The following ESR1 variants were observed in gnomAD, a reference collection of about 807,000 sequenced individuals.
The protein encoded by ESR1 is estrogen receptor.
Under a neutral mutation model 52.7 loss-of-function variants are expected in ESR1, and 12 were observed. The observed-to-expected ratio is 0.23, with a 90% CI of 0.15 to 0.37. ESR1 has a LOEUF of 0.37. ESR1 is among the 10% of genes least tolerant of loss of function. ESR1 has a pLI of 1.00. For synonymous variants in ESR1, 305 were observed against 316.8 expected, an observed-to-expected ratio of 0.96 and a Z score of 0.39; for missense variants, 584 against 779.7, an observed-to-expected ratio of 0.75 and a Z score of 2.99.
At chr6:152,111,387 G>A (rs766448234) in intron 6 of ESR1, among the ~76,000 whole-genome samples, 12 of 152,226 alleles carry the variant, frequency 7.9e-5, no homozygotes, top group Non-Finnish European at 1.6e-4. Flanking sequence ...CGTTTGCCAA[G>A]AGCCAGTCGC....
chr6:152,087,333 A>C (rs2049809406), intron 6 of ESR1, among the ~76,000 whole-genome samples: 1 of 152,232 alleles, frequency 6.6e-6, no homozygotes. Flanking sequence ...GAGGTATACA[A>C]AACATTCCTC....
At chr6:151,917,420 A>G (rs1365996729) in intron 3 of ESR1, among the ~76,000 whole-genome samples, 1 of 152,214 alleles carries the variant, frequency 6.6e-6, no homozygotes, top group African/African-American at 2.4e-5. Context: ...TTTGTTATTA[A>G]TAAATCAGAC....
chr6:151,808,144 C>A lies in ESR1; in HGVS notation c.232C>A (p.Leu78Ile). Reference sequence around the variant, plus strand: ...CGCGCAGGTCTACGGTCAGACCGGCCTCCCCTACGGCCCCGGGTCTGAGGC... The same window carrying A: ...CGCGCAGGTCTACGGTCAGACCGGCATCCCCTACGGCCCCGGGTCTGAGGC... ...ANAQVYGQTG[L>I]PYGPGSEAAA... The change falls in exon 1 of 8, where the codon CTC becomes ATC. Residue 78 changes from leucine (L) to isoleucine (I), a missense_variant. This residue lies in a region of ESR1 where 251 missense variants were observed against 246.1 expected (regional missense o/e 1.02). Transcript: ENST00000206249. The A allele has an allele frequency of 6.2e-7, 1 of 1,602,854 alleles. No individual in the cohort carries two copies.
chr6:151,706,098 G>A (rs1157540841), intron 2 of ESR1, among the ~76,000 whole-genome samples: 1 of 152,188 alleles, frequency 6.6e-6, no homozygotes, highest in Non-Finnish European at 1.5e-5. Context: ...TGATGCCAGA[G>A]AAAGCCAGAC....
chr6:151,992,779 G>A (rs1367931793), intron 4 of ESR1, among the ~76,000 whole-genome samples: 8 of 151,934 alleles, frequency 5.3e-5, no homozygotes, highest in African/African-American at 1.9e-4. Context: ...CTCGTGTAGA[G>A]CACTGTCTTA....
In ESR1 at chr6:151,788,546, A is replaced by T. The variant is rs116317739; in HGVS notation, c.-70-19297A>T. ...AATCATTGTGAAAAACAGTATGATG[A>T]TTCCTCAAAGACCTAAAAATACAAC... On this transcript the variant is annotated intron_variant, in intron 2 of 2. Coordinates refer to the ESR1 transcript ENST00000404742. 3.2e-3 allele frequency among the ~76,000 whole-genome samples: 482 copies of T among 152,352 alleles called. 4 individuals carry two copies. Among genetic ancestry groups the T allele is most frequent in the African/African-American group, 0.011 (454 of 41,584 alleles).
chr6:152,112,289 A>AT (rs1398087858), intron 6 of ESR1, among the ~76,000 whole-genome samples: 1 of 152,090 alleles, frequency 6.6e-6, no homozygotes, highest in African/African-American at 2.4e-5. Flanking sequence ...CAATATGGAG[A>AT]TTTTTTTCCT....
chr6:151,999,954 T>G (rs1181727845), intron 4 of ESR1, among the ~76,000 whole-genome samples: 2 of 152,086 alleles, frequency 1.3e-5, no homozygotes, highest in African/African-American at 4.8e-5. Flanking sequence ...CTTATGTGTG[T>G]GTTTCAACCT....
At chr6:151,707,801 A>T (rs1423984171) in intron 2 of ESR1, among the ~76,000 whole-genome samples, 3 of 152,118 alleles carry the variant, frequency 2.0e-5, no homozygotes, top group Admixed American at 6.5e-5. Context: ...TCAAAATCCC[A>T]TCTAGAAATC....
chr6:151,676,208 A>G (rs1382185160), intron 1 of ESR1, among the ~76,000 whole-genome samples: 2 of 152,156 alleles, frequency 1.3e-5, no homozygotes, highest in Non-Finnish European at 2.9e-5. Context: ...AGCCTGCTTC[A>G]CTAGTGCCCC....
chr6:151,877,387 G>C (rs1029565119), intron 2 of ESR1, among the ~76,000 whole-genome samples: 1 of 152,002 alleles, frequency 6.6e-6, no homozygotes, highest in South Asian at 2.1e-4. Flanking sequence ...AATAGTGTTT[G>C]GTTAATAAGA....
rs146924427 is a variant in ESR1, at chr6:152,098,865, A to G, written c.1687A>G (p.Thr563Ala). The G allele has an allele frequency of 1.7e-5, 27 of 1,614,010 alleles. No homozygotes were observed. The highest frequency in any genetic ancestry group is 2.2e-5 in the Non-Finnish European group (26 of 1,180,036). The change falls in exon 8 of 8, where the codon ACG becomes GCG. Residue 563 changes from threonine (T) to alanine (A), a missense_variant. Thr to Ala is a moderately conservative substitution (Grantham distance 58). This residue lies in a region of ESR1 where 71 missense variants were observed against 66.1 expected (regional missense o/e 1.07). Transcript: ENST00000206249. This position sits in a 1 kb window ranked among gnomAD's most constrained non-coding sequence, Gnocchi z 5.1. ...CCGTGGAGGGGCATCCGTGGAGGAG[A>G]CGGACCAAAGCCACTTGGCCACTGC... ...TSRGGASVEE[T>A]DQSHLATAGS...
chr6:151,773,550 T>C (rs1014175021), intron 2 of ESR1, among the ~76,000 whole-genome samples: 8 of 152,212 alleles, frequency 5.3e-5, no homozygotes, highest in Non-Finnish European at 1.2e-4. Context: ...ACGCATATGT[T>C]TGAAGGCAGC....
intron 4 of ESR1, among the ~76,000 whole-genome samples, chr6:151,948,157 A>G (rs761604175): frequency 3.9e-5 from 6 of 152,154 alleles, no homozygotes; most frequent in Non-Finnish European, 8.8e-5. Context: ...ATCACACTCA[A>G]TTGCATCATT....
chr6:151,813,690 T>G (rs1014063494), intron 1 of ESR1, among the ~76,000 whole-genome samples: 4 of 152,156 alleles, frequency 2.6e-5, no homozygotes, highest in African/African-American at 9.7e-5. Context: ...GAGGGACAAA[T>G]TAGTTTGTTC....
At chr6:151,803,443 T>C (rs2128145244), upstream of ESR1, among the ~76,000 whole-genome samples, 1 of 152,210 alleles carries the variant, frequency 6.6e-6, no homozygotes, top group East Asian at 1.9e-4. Context: ...TCTTGGAGTA[T>C]TAAAATTTTG....
At chr6:151,923,045 C>T (rs1022870590) in intron 3 of ESR1, among the ~76,000 whole-genome samples, 2 of 152,142 alleles carry the variant, frequency 1.3e-5, no homozygotes, top group African/African-American at 4.8e-5. Context: ...TTCCACTATA[C>T]TTCTATGGAA....
chr6:151,857,491 ACC>A (rs1491108603), intron 2 of ESR1, among the ~76,000 whole-genome samples: 3,792 of 149,930 alleles, frequency 0.025, 151 homozygotes, highest in African/African-American at 0.088. Context: ...ACACCCACCC[ACC>A]CACACACACA....
At chr6:151,836,923 C>T (rs978824516) in intron 1 of ESR1, among the ~76,000 whole-genome samples, 2 of 152,100 alleles carry the variant, frequency 1.3e-5, no homozygotes, top group African/African-American at 4.8e-5. Context: ...CTTGGCTAAT[C>T]AGGGGAATAA....
Sources: gnomAD v4.1 joint callset for allele counts (sites outside exome capture counted in the v4.1 genomes callset) on GRCh38, gnomAD v4.1.1 for gene constraint, gnomAD v4.1.1 regional missense constraint, Gnocchi (gnomAD v3.1) non-coding constraint, MANE v1.5 for transcripts, NCBI Gene and HGNC (gene_info 2026-07-23, HGNC 2026-07-21) for gene names.